The following ADIPOR2 variants were observed in gnomAD, a reference collection of about 807,000 sequenced individuals.
ADIPOR2 encodes the protein adiponectin receptor protein 2.
In ADIPOR2, 18 loss-of-function variants were observed where a neutral mutation model predicts 40.9. That is an observed-to-expected ratio of 0.44 (90% CI 0.30 to 0.65). ADIPOR2 has a LOEUF of 0.65. Ranked by LOEUF, ADIPOR2 falls within the 30% of genes least tolerant of loss-of-function variation. ADIPOR2 has a pLI of 0.09. For synonymous variants in ADIPOR2, 165 were observed against 166.4 expected, an observed-to-expected ratio of 0.99 and a Z score of 0.06; for missense variants, 283 against 479.2, an observed-to-expected ratio of 0.59 and a Z score of 3.82.
At chr12:1,780,291 C>G in intron 4 of ADIPOR2, 160 bp from the exon 5 acceptor site, 1 of 682,066 alleles carries the variant, frequency 1.5e-6, no homozygotes, top group Non-Finnish European at 2.2e-6. Flanking sequence ...TGGAAGTAAA[C>G]CACAATTTTG....
chr12:1,713,596 G>A (rs571631047), intron 1 of ADIPOR2, among the ~76,000 whole-genome samples: 2 of 152,124 alleles, frequency 1.3e-5, no homozygotes, highest in East Asian at 3.9e-4. Flanking sequence ...TCAAGCAGGG[G>A]ACAACAAATT....
chr12:1,733,644 A>C (rs1048555815), intron 1 of ADIPOR2, among the ~76,000 whole-genome samples: 1 of 152,160 alleles, frequency 6.6e-6, no homozygotes, highest in Non-Finnish European at 1.5e-5. Context: ...TTTAGGGTAC[A>C]TGTGCACAAC....
chr12:1,756,357 G>T (rs1375300876), intron 2 of ADIPOR2, among the ~76,000 whole-genome samples: 1 of 151,742 alleles, frequency 6.6e-6, no homozygotes, highest in Non-Finnish European at 1.5e-5. Context: ...CACCATGTTG[G>T]CCAGGCTGGT....
intron 3 of ADIPOR2, among the ~76,000 whole-genome samples, chr12:1,776,824 C>T (rs1862605468): frequency 6.6e-6 from 1 of 152,188 alleles, no homozygotes; most frequent in Admixed American, 6.5e-5. Flanking sequence ...TGGGGATAGT[C>T]ATGTACTGGC....
intron 1 of ADIPOR2, among the ~76,000 whole-genome samples, chr12:1,707,061 G>C (rs922411776): frequency 6.6e-6 from 1 of 152,148 alleles, no homozygotes; most frequent in Non-Finnish European, 1.5e-5. Flanking sequence ...CTTTCACTCC[G>C]CATGTTTTTG....
At chr12:1,695,011 G>GTTTTTTTTT (rs199627849) in intron 1 of ADIPOR2, among the ~76,000 whole-genome samples, 259 of 128,070 alleles carry the variant, frequency 2.0e-3, no homozygotes, top group Middle Eastern at 4.3e-3. Context: ...TTGTGTTGCA[G>GTTTTTTTTT]TTTTTTTTTT....
intron 1 of ADIPOR2, among the ~76,000 whole-genome samples, chr12:1,703,671 T>G (rs1011391994): frequency 6.6e-6 from 1 of 152,076 alleles, no homozygotes; most frequent in African/African-American, 2.4e-5. Context: ...GAGCTGTGAT[T>G]GAGCCACTGC....
intron 3 of ADIPOR2, among the ~76,000 whole-genome samples, chr12:1,775,540 C>T (rs1458129962): frequency 2.0e-5 from 3 of 152,304 alleles, no homozygotes; most frequent in African/African-American, 4.8e-5. Context: ...AAAAAAGGAA[C>T]ATATGACTCT....
intron 1 of ADIPOR2, among the ~76,000 whole-genome samples, chr12:1,699,800 T>G (rs530371438): frequency 1.3e-5 from 2 of 152,244 alleles, no homozygotes; most frequent in African/African-American, 4.8e-5. Flanking sequence ...ACATTTGGTA[T>G]TTAGAAATTG....
chr12:1,695,188 A>T (rs547706844), intron 1 of ADIPOR2, among the ~76,000 whole-genome samples: 42 of 151,876 alleles, frequency 2.8e-4, no homozygotes, highest in African/African-American at 9.9e-4. Flanking sequence ...GCCGAGAGTT[A>T]TTTTTTACAA....
At position 1,775,634 on chromosome 12, in the gene ADIPOR2, T is replaced by C. The variant is rs565149438; in HGVS notation, c.292-2220T>C. Among the ~76,000 whole-genome samples the C allele has an allele frequency of 3.3e-5, 5 of 152,290 alleles. No individual in the cohort carries two copies. The South Asian group carries it at 1.0e-3, about 32-fold the overall frequency. ...GTGAATTGCCTTGAAGATGTAAGGG[T>C]TGATTTCTGTCTTCCTCTCCCTCTC... On this transcript the variant is annotated intron_variant, in intron 3 of 7. Coordinates refer to ENST00000357103, the MANE Select transcript of ADIPOR2 (RefSeq NM_024551.3).
chr12:1,701,498 T>C (rs1470338199), intron 1 of ADIPOR2, among the ~76,000 whole-genome samples: 1 of 152,204 alleles, frequency 6.6e-6, no homozygotes, highest in African/African-American at 2.4e-5. Context: ...GCTTTGCATA[T>C]TTTCAGATTT....
chr12:1,731,473 C>G (rs1348224859), intron 1 of ADIPOR2, among the ~76,000 whole-genome samples: 2 of 152,136 alleles, frequency 1.3e-5, no homozygotes, highest in East Asian at 3.9e-4. Context: ...TTTATGATCC[C>G]AATCAGAAAC....
chr12:1,768,215 T>G (rs1862424564), intron 2 of ADIPOR2, among the ~76,000 whole-genome samples: 1 of 152,210 alleles, frequency 6.6e-6, no homozygotes, highest in African/African-American at 2.4e-5. Flanking sequence ...ATCATGATTG[T>G]GAGTCTTTGT....
chr12:1,733,252 T>C (rs2094724022), intron 1 of ADIPOR2, among the ~76,000 whole-genome samples: 1 of 152,228 alleles, frequency 6.6e-6, no homozygotes, highest in African/African-American at 2.4e-5. Flanking sequence ...TAATAGTTTA[T>C]TGAGGTTCTT....
At chr12:1,743,734 G>C (rs1183833697) in intron 1 of ADIPOR2, among the ~76,000 whole-genome samples, 3 of 152,052 alleles carry the variant, frequency 2.0e-5, no homozygotes, top group Non-Finnish European at 2.9e-5. Context: ...GAGTTATCTT[G>C]AACTGTTGAA....
chr12:1,722,617 C>T (rs540041971), intron 1 of ADIPOR2, among the ~76,000 whole-genome samples: 56 of 152,242 alleles, frequency 3.7e-4, no homozygotes, highest in African/African-American at 1.3e-3. Flanking sequence ...ACAATAGACT[C>T]CTAAGAAATT....
chr12:1,720,972 C>G (rs888155984), intron 1 of ADIPOR2, among the ~76,000 whole-genome samples: 2 of 152,114 alleles, frequency 1.3e-5, no homozygotes, highest in Non-Finnish European at 2.9e-5. Context: ...TGGTCTCTCA[C>G]CTAACTTTAA....
chr12:1,774,504 A>G (rs1387208133), intron 3 of ADIPOR2, among the ~76,000 whole-genome samples: 2 of 152,220 alleles, frequency 1.3e-5, no homozygotes, highest in African/African-American at 4.8e-5. Flanking sequence ...AGCCGTGTCT[A>G]GTGGCACAGG....
Sources: allele counts gnomAD v4.1 joint callset (sites outside exome capture counted in the v4.1 genomes callset), GRCh38; gene constraint gnomAD v4.1.1; transcripts MANE v1.5; gene names NCBI Gene and HGNC (gene_info 2026-07-23, HGNC 2026-07-21).